The following RUNDC3B variants were observed in gnomAD, a reference collection of about 807,000 sequenced individuals.
RUNDC3B encodes RUN domain containing 3B.
RUNDC3B carries 33 observed loss-of-function variants against 58.4 expected under a neutral mutation model. That is an observed-to-expected ratio of 0.56 (90% confidence interval 0.43 to 0.75). RUNDC3B has a LOEUF of 0.75. RUNDC3B is among the 30% of genes least tolerant of loss of function. The probability of loss-of-function intolerance (pLI) is 0.00; values close to 1 mark genes in which losing one functional copy is unlikely to be tolerated. For missense variants in RUNDC3B, 501 were observed against 535.7 expected (o/e 0.94, Z 0.64); for synonymous variants, 193 against 195.2 (o/e 0.99, Z 0.10).
intron 2 of RUNDC3B, among the ~76,000 whole-genome samples, chr7:87,673,241 A>G (rs1225800086): frequency 6.6e-6 from 1 of 152,126 alleles, no homozygotes; most frequent in Non-Finnish European, 1.5e-5. Flanking sequence ...TTCTCTGCAT[A>G]TCTTGAATTT....
chr7:87,675,552 A>G (rs1391670013), intron 2 of RUNDC3B, among the ~76,000 whole-genome samples: 1 of 151,536 alleles, frequency 6.6e-6, no homozygotes. Context: ...TAATGTATGC[A>G]TATTATGGTC....
chr7:87,784,339 G>A (rs1165043794), intron 8 of RUNDC3B, among the ~76,000 whole-genome samples: 3 of 151,992 alleles, frequency 2.0e-5, no homozygotes, highest in African/African-American at 4.8e-5. Context: ...CATCTGAGGG[G>A]GCTAGTGTTT....
rs146127516 is a variant in RUNDC3B at position 87,702,142 on chromosome 7, C to CAAAAAAA, written c.372+1612_372+1618dup. On this transcript the variant is annotated intron_variant, in intron 3 of 10. Coordinates refer to ENST00000394654, the MANE Select transcript of RUNDC3B (RefSeq NM_001134405.2). Reference sequence around the variant, plus strand: ...TGGGCAAAAGAGCGAGACTCTGTCTCAAAAAAAAAAAAAAAAAAAAAAAAA... The same window carrying CAAAAAAA: ...TGGGCAAAAGAGCGAGACTCTGTCTCAAAAAAAAAAAAAAAAAAAAAAAAAAAAAAAA... 4.2e-3 allele frequency among the ~76,000 whole-genome samples: 71 copies of CAAAAAAA among 16,774 alleles called. 9 individuals are homozygous for CAAAAAAA. Among genetic ancestry groups the CAAAAAAA allele is most frequent in the African/African-American group, 0.01 (60 of 5,726 alleles). The allele number at this position is 16,774 out of a possible 152,430, so 11.0% of individuals were successfully genotyped here. A position where few individuals can be genotyped will look rare whatever the true frequency, so the allele number is the denominator to read the frequency against.
intron 6 of RUNDC3B, among the ~76,000 whole-genome samples, chr7:87,752,517 G>C (rs1376721977): frequency 2.6e-5 from 4 of 152,020 alleles, no homozygotes; most frequent in Non-Finnish European, 5.9e-5. Flanking sequence ...GACTCTTTTT[G>C]GTTGGTAAGC....
chr7:87,814,377 G>A (rs1211709801), intron 9 of RUNDC3B, among the ~76,000 whole-genome samples: 2 of 152,176 alleles, frequency 1.3e-5, no homozygotes, highest in African/African-American at 2.4e-5. Flanking sequence ...TGGGATTACA[G>A]GCACGAGCCA....
At chr7:87,709,642 T>G (rs376809093) in intron 3 of RUNDC3B, 1 of 377,636 alleles carries the variant, frequency 2.6e-6, no homozygotes, top group Non-Finnish European at 3.6e-6. Flanking sequence ...TCCCATAGTT[T>G]GGTGAATTCA....
intron 1 of RUNDC3B, among the ~76,000 whole-genome samples, chr7:87,645,659 A>G (rs1212701559): frequency 2.6e-5 from 4 of 152,196 alleles, no homozygotes; most frequent in African/African-American, 4.8e-5. Flanking sequence ...TTATCAGGAA[A>G]TAGCTCAGCA....
intron 8 of RUNDC3B, among the ~76,000 whole-genome samples, chr7:87,792,374 A>G (rs769274990): frequency 6.6e-6 from 1 of 152,156 alleles, no homozygotes; most frequent in Middle Eastern, 3.2e-3. Flanking sequence ...TCTCATAGAT[A>G]TTTACAGAAC....
intron 6 of RUNDC3B, among the ~76,000 whole-genome samples, chr7:87,750,838 A>C (rs1368357982): frequency 6.7e-6 from 1 of 150,206 alleles, no homozygotes; most frequent in Non-Finnish European, 1.5e-5. Context: ...TTGCCTGTTC[A>C]CTCTGATGGT....
At chr7:87,770,222 A>C (rs1834202284) in intron 6 of RUNDC3B, among the ~76,000 whole-genome samples, 2 of 152,154 alleles carry the variant, frequency 1.3e-5, no homozygotes. Flanking sequence ...CACCTCGGGC[A>C]GTGAAAGGAA....
chr7:87,633,062 ATAT>A (rs1475614783), intron 1 of RUNDC3B, among the ~76,000 whole-genome samples: 32 of 152,304 alleles, frequency 2.1e-4, no homozygotes, highest in African/African-American at 7.0e-4. Context: ...ATAGGTCATG[ATAT>A]TATTTCAGAA....
intron 2 of RUNDC3B, among the ~76,000 whole-genome samples, chr7:87,651,526 A>ATAGTATAAATCT (rs1317630745): frequency 6.6e-6 from 1 of 152,172 alleles, no homozygotes; most frequent in Non-Finnish European, 1.5e-5. Context: ...GAAGTATTAT[A>ATAGTATAAATCT]TAGTATAAAT....
chr7:87,644,819 AAAT>A (rs1219406106), intron 1 of RUNDC3B, among the ~76,000 whole-genome samples: 1 of 151,980 alleles, frequency 6.6e-6, no homozygotes, highest in African/African-American at 2.4e-5. Context: ...TTCACTATAA[AAAT>A]AATTTCTAAT....
At chr7:87,691,208 T>C (rs1827986218) in intron 2 of RUNDC3B, among the ~76,000 whole-genome samples, 1 of 152,164 alleles carries the variant, frequency 6.6e-6, no homozygotes, top group Admixed American at 6.5e-5. Context: ...AGGGCTAATT[T>C]CAATATTAAT....
chr7:87,701,801 A>G (rs899527946), intron 3 of RUNDC3B, among the ~76,000 whole-genome samples: 2 of 152,212 alleles, frequency 1.3e-5, no homozygotes, highest in Admixed American at 6.5e-5. Flanking sequence ...GCAGAAGCAG[A>G]TATCTAATTA....
intron 7 of RUNDC3B, among the ~76,000 whole-genome samples, chr7:87,774,141 C>T (rs1834488199): frequency 6.6e-6 from 1 of 151,866 alleles, no homozygotes; most frequent in African/African-American, 2.4e-5. Context: ...CACCCACATG[C>T]CACTCATGAA....
chr7:87,704,936 C>G (rs1298090182), intron 3 of RUNDC3B, among the ~76,000 whole-genome samples: 2 of 152,194 alleles, frequency 1.3e-5, no homozygotes, highest in African/African-American at 4.8e-5. Context: ...TGAATGACTA[C>G]TAGCATAGTG....
intron 2 of RUNDC3B, 40 bp from the exon 3 acceptor site, chr7:87,700,381 T>A: frequency 6.6e-7 from 1 of 1,518,358 alleles, no homozygotes; most frequent in Non-Finnish European, 8.9e-7. Context: ...TAGTTTTATT[T>A]TACTTTTTAA....
At chr7:87,822,143 C>T (rs1336998158) in intron 10 of RUNDC3B, among the ~76,000 whole-genome samples, 1 of 152,188 alleles carries the variant, frequency 6.6e-6, no homozygotes, top group Non-Finnish European at 1.5e-5. Context: ...ACCTACTCAT[C>T]TGACAAAGGA....
Sources: allele counts gnomAD v4.1 joint callset (sites outside exome capture counted in the v4.1 genomes callset), GRCh38; gene constraint gnomAD v4.1.1; transcripts MANE v1.5; gene names NCBI Gene and HGNC (gene_info 2026-07-23, HGNC 2026-07-21).